GOSR2: variants seen among roughly 807,000 people sequenced by gnomAD.
The protein encoded by GOSR2 is 27 kDa Golgi SNARE protein.
In GOSR2, 20 loss-of-function variants were observed where a neutral mutation model predicts 27.9. The observed-to-expected ratio is 0.72, with a 90% CI of 0.50 to 1.04. The LOEUF is 1.04. Among genes scored for constraint, GOSR2 ranks in the 50% least tolerant of loss-of-function variants. The pLI, the probability that GOSR2 is intolerant of heterozygous loss-of-function variation, is 0.00. For missense variants in GOSR2, 261 were observed against 270.5 expected (o/e 0.97, Z 0.25); for synonymous variants, 91 against 98.8 (o/e 0.92, Z 0.47).
Position 46,940,739 on chromosome 17 carries a change from C to G in GOSR2, c.*1979C>G, listed in dbSNP as rs2089160328. On this transcript the variant is annotated 3_prime_UTR_variant, in exon 6 of 6. Coordinates refer to ENST00000640051, the MANE Select transcript of GOSR2 (RefSeq NM_004287.5). The stretch of plus-strand genomic sequence containing the variant: ...TGACAGTGGTTGGCTTTGATGAACC[C>G]TCATGCTGCACCTTCAGAGCCAGTC... 6 of 1,580,606 alleles carry G rather than the reference C, an allele frequency of 3.8e-6. No homozygotes were observed.
Position 46,931,208 on chromosome 17 carries a change from G to T in GOSR2, c.203+1G>T. The T allele has an allele frequency of 1.5e-6, 2 of 1,362,590 alleles. No homozygotes were observed. Among genetic ancestry groups the T allele is most frequent in the Non-Finnish European group, 2.1e-6 (2 of 950,258 alleles). 84.4% of individuals were successfully genotyped at this position (1,362,590 alleles called of 1,614,324 possible). ...CTAACAAAAGGCAAAATGCCAGACTGTAAGTGCTGACCTCTGACATGGCTC... is the reference window on the plus strand; with the variant it reads ...CTAACAAAAGGCAAAATGCCAGACTTTAAGTGCTGACCTCTGACATGGCTC... On this transcript the variant is annotated splice_donor_variant, in intron 3 of 5. Coordinates refer to ENST00000640051, the MANE Select transcript of GOSR2 (RefSeq NM_004287.5). LOFTEE classifies it high-confidence loss of function.
chr17:46,936,361 A>C, intron 5 of GOSR2: 1 of 985,404 alleles, frequency 1.0e-6, no homozygotes, highest in Middle Eastern at 5.2e-4. Context: ...CTTCCCACTC[A>C]AGTCTGGCAG....
chr17:46,941,817 C>A lies in GOSR2; in HGVS notation c.*3057C>A. On this transcript the variant is annotated 3_prime_UTR_variant, in exon 6 of 6. Coordinates refer to ENST00000640051, the MANE Select transcript of GOSR2 (RefSeq NM_004287.5). ...ACCAGATTGGTCTTAAACTCCTGGC[C>A]TCAAGTGATCTGCCTGCTTCGGCCT... 1 of 394,696 alleles carries A rather than the reference C, an allele frequency of 2.5e-6. No homozygotes were observed. Among genetic ancestry groups the A allele is most frequent in the Non-Finnish European group, 3.4e-6 (1 of 290,008 alleles). The allele number at this position is 394,696 out of a possible 1,614,324, so 24.4% of individuals were successfully genotyped here.
downstream of GOSR2, chr17:46,975,607 C>T (rs1392877820): frequency 6.6e-6 from 1 of 152,348 alleles, no homozygotes. Context: ...CACCCCTTCT[C>T]AGGACCCCAC....
intron 6 of GOSR2, among the ~76,000 whole-genome samples, chr17:46,955,255 C>G (rs1431885477): frequency 6.6e-6 from 1 of 152,010 alleles, no homozygotes; most frequent in Non-Finnish European, 1.5e-5. Flanking sequence ...AAGGCCTTTT[C>G]TGCATCTATT....
At chr17:46,935,350 C>T in intron 5 of GOSR2, 181 bp downstream of exon 5, 1 of 1,461,620 alleles carries the variant, frequency 6.8e-7, no homozygotes, top group East Asian at 2.5e-5. Flanking sequence ...CTGAAAGTAC[C>T]CAGTTCCTTT....
At chr17:46,936,910 T>A in intron 5 of GOSR2, 1 of 657,062 alleles carries the variant, frequency 1.5e-6, no homozygotes, top group Non-Finnish European at 1.9e-6. Flanking sequence ...CCATGATGCC[T>A]AATGTTGATC....
At position 46,939,083 on chromosome 17, in the gene GOSR2, G is replaced by C. The variant is rs755362352; in HGVS notation, c.*323G>C. ...ACATAGCTGATGCGTGCCCTGGGAA[G>C]GTGTCCACAGTGAGCCCTGTGTGCA... On this transcript the variant is annotated 3_prime_UTR_variant, in exon 6 of 6. Transcript: ENST00000640051. The C allele has an allele frequency of 1.4e-5, 17 of 1,217,212 alleles. No individual in the cohort carries two copies. The highest frequency in any genetic ancestry group is 1.7e-5 in the Non-Finnish European group (16 of 960,698). 75.4% of individuals were successfully genotyped at this position (1,217,212 alleles called of 1,614,324 possible). A position where few individuals can be genotyped will look rare whatever the true frequency, so the allele number is the denominator to read the frequency against.
chr17:46,935,505 G>A (rs1050944325), intron 5 of GOSR2: 55 of 1,316,890 alleles, frequency 4.2e-5, no homozygotes, highest in Non-Finnish European at 5.2e-5. Flanking sequence ...ACTCTTGGAA[G>A]AATGAAGACG....
chr17:46,941,740 A>ATT lies in GOSR2; in HGVS notation c.*2995_*2996dup, dbSNP rs199529204. ...AAGTGTGTGCCACCATGTCTGGCTA[A>ATT]TTTTTTTTTTTTTTTTGTATTTTTT... On this transcript the variant is annotated 3_prime_UTR_variant, in exon 6 of 6. Coordinates refer to ENST00000640051, the MANE Select transcript of GOSR2 (RefSeq NM_004287.5). The ATT allele has an allele frequency of 0.027, 4,064 of 149,782 alleles. 95 individuals carry two copies. Among genetic ancestry groups the ATT allele is most frequent in the African/African-American group, 0.065 (2,508 of 38,652 alleles). The allele number at this position is 149,782 out of a possible 1,614,324, so 9.3% of individuals were successfully genotyped here.
At position 46,939,714 on chromosome 17, in the gene GOSR2, C is replaced by T. The variant is rs965341818; in HGVS notation, c.*954C>T. ...CCCAGCCAGTGTGGGCAGATCCCAC[C>T]GTGGAGACATCTGTAGTGTGTATGT... On this transcript the variant is annotated 3_prime_UTR_variant, in exon 6 of 6. Coordinates refer to ENST00000640051, the MANE Select transcript of GOSR2 (RefSeq NM_004287.5). The T allele has an allele frequency of 5.1e-5, 50 of 985,604 alleles. No individual in the cohort carries two copies. Among genetic ancestry groups the T allele is most frequent in the South Asian group, 9.4e-5 (2 of 21,296 alleles). 61.1% of individuals were successfully genotyped at this position (985,604 alleles called of 1,614,324 possible). A position where few individuals can be genotyped will look rare whatever the true frequency, so the allele number is the denominator to read the frequency against.
chr17:46,939,819 G>T lies in GOSR2; in HGVS notation c.*1059G>T, dbSNP rs1188091300. On this transcript the variant is annotated 3_prime_UTR_variant, in exon 6 of 6. Coordinates refer to ENST00000640051, the MANE Select transcript of GOSR2 (RefSeq NM_004287.5). The stretch of plus-strand genomic sequence containing the variant: ...CCGGATTCAGGCTGTACTAATACCA[G>T]GTATATTGTGGAATTTAGTATAAAG... The T allele has an allele frequency of 3.0e-6, 3 of 987,728 alleles. No individual in the cohort carries two copies. The highest frequency in any genetic ancestry group is 3.6e-6 in the Non-Finnish European group (3 of 830,690). The allele number at this position is 987,728 out of a possible 1,614,324, so 61.2% of individuals were successfully genotyped here. A position where few individuals can be genotyped will look rare whatever the true frequency, so the allele number is the denominator to read the frequency against.
In GOSR2 at chr17:46,932,163, G is replaced by A; in HGVS notation, c.300G>A (p.Gln100=). The A allele has an allele frequency of 6.2e-7, 1 of 1,614,164 alleles. No individual in the cohort carries two copies. Among genetic ancestry groups the A allele is most frequent in the Non-Finnish European group, 8.5e-7 (1 of 1,180,036 alleles). ...RRHAREQQER[Q]REELLSRTFT... ...ATGCAAGGGAGCAGCAGGAGAGACA[G>A]CGAGAAGAGCTTCTGTCTCGAACCT... The change falls in exon 4 of 6, where the codon CAG becomes CAA. Residue 100 remains glutamine (Q), a synonymous_variant. Coordinates refer to ENST00000640051, the MANE Select transcript of GOSR2 (RefSeq NM_004287.5).
chr17:46,966,697 A>G (rs1015920591), exon 7 of GOSR2: 1 of 512,448 alleles, frequency 2.0e-6, no homozygotes, highest in Middle Eastern at 2.7e-4. Context: ...GGTTCTATCA[A>G]CTATTAGCTG....
In GOSR2 at chr17:46,939,873, T is replaced by G; in HGVS notation, c.*1113T>G. The stretch of plus-strand genomic sequence containing the variant: ...AATCTGTCCTGAAGTCCATCTAATG[T>G]GGTGAATCACTGAAAGTCTCAGAAA... On this transcript the variant is annotated 3_prime_UTR_variant, in exon 6 of 6. Coordinates refer to ENST00000640051, the MANE Select transcript of GOSR2 (RefSeq NM_004287.5). The G allele has an allele frequency of 1.0e-6, 1 of 994,398 alleles. No individual in the cohort carries two copies. Among genetic ancestry groups the G allele is most frequent in the Non-Finnish European group, 1.2e-6 (1 of 834,268 alleles). The allele number at this position is 994,398 out of a possible 1,614,324, so 61.6% of individuals were successfully genotyped here.
chr17:46,927,732 C>G (rs1453664208), intron 1 of GOSR2, among the ~76,000 whole-genome samples: 1 of 152,150 alleles, frequency 6.6e-6, no homozygotes, highest in Non-Finnish European at 1.5e-5. Flanking sequence ...CTGTCTGCAC[C>G]TGCACTGCCG....
At chr17:46,936,312 C>G (rs2088339201) in intron 5 of GOSR2, 1 of 985,060 alleles carries the variant, frequency 1.0e-6, no homozygotes. Context: ...TGATGAAGAG[C>G]CAGTGGGGGT....
At chr17:46,966,936 A>G (rs994582806) in exon 7 of GOSR2, 1 of 382,884 alleles carries the variant, frequency 2.6e-6, no homozygotes, top group Non-Finnish European at 4.6e-6. Flanking sequence ...GAATCTGGCT[A>G]GAGAAAATGC....
chr17:46,958,336 A>G (rs1440126324), intron 6 of GOSR2, among the ~76,000 whole-genome samples: 1 of 152,260 alleles, frequency 6.6e-6, no homozygotes, highest in African/African-American at 2.4e-5. Context: ...TCTCCATGGC[A>G]ACAATTACCC....
Sources: gnomAD v4.1 joint callset for allele counts (sites outside exome capture counted in the v4.1 genomes callset) on GRCh38, gnomAD v4.1.1 for gene constraint, MANE v1.5 for transcripts, NCBI Gene and HGNC (gene_info 2026-07-23, HGNC 2026-07-21) for gene names.